Variants in LCMT1 observed in about 807,000 individuals in gnomAD.
LCMT1 encodes the protein leucine carboxyl methyltransferase 1, also known as [Phosphatase 2A protein]-leucine-carboxy methyltransferase 1.
LCMT1 carries 32 observed loss-of-function variants against 47.7 expected under a neutral mutation model. That is an observed-to-expected ratio of 0.67 (90% CI 0.51 to 0.90). The LOEUF is 0.90. LCMT1 is among the 40% of genes least tolerant of loss of function. The pLI is 0.00. For synonymous variants in LCMT1, 152 were observed against 149.7 expected, an observed-to-expected ratio of 1.02 and a Z score of -0.11; for missense variants, 375 against 415.2, an observed-to-expected ratio of 0.90 and a Z score of 0.84.
At chr16:25,131,315 C>A (rs964821139) in intron 2 of LCMT1, among the ~76,000 whole-genome samples, 32 of 152,272 alleles carry the variant, frequency 2.1e-4, no homozygotes, top group Non-Finnish European at 8.8e-5. Flanking sequence ...CCCCACCCCA[C>A]GCCCTGGCGG....
chr16:25,134,186 A>G (rs1053655426), intron 3 of LCMT1, among the ~76,000 whole-genome samples: 1 of 151,940 alleles, frequency 6.6e-6, no homozygotes, highest in Non-Finnish European at 1.5e-5. Flanking sequence ...AGACCCACTT[A>G]TCTGTTTTGT....
At chr16:25,135,841 A>G (rs1344740553) in intron 3 of LCMT1, among the ~76,000 whole-genome samples, 1 of 152,160 alleles carries the variant, frequency 6.6e-6, no homozygotes, top group East Asian at 1.9e-4. Context: ...CTGTAATCCC[A>G]GCACTTTGGG....
At position 25,161,200 on chromosome 16, in the gene LCMT1, A is replaced by T; in HGVS notation, c.565A>T (p.Thr189Ser). Residue 189 changes from threonine (T) to serine (S), a missense_variant, in exon 6 of 11, where the codon ACA becomes TCA. Coordinates refer to ENST00000399069, the MANE Select transcript of LCMT1 (RefSeq NM_016309.3). ...EEKLKKCNMN[T>S]QLPTLLIAEC... The stretch of plus-strand genomic sequence containing the variant: ...GAAGCTAAAGAAATGTAACATGAAT[A>T]CACAGTGAGATTTTTTTTTTTAAAC... 6.3e-7 allele frequency: 1 copy of T among 1,582,140 alleles called. No homozygotes were observed. Among genetic ancestry groups the T allele is most frequent in the Non-Finnish European group, 8.6e-7 (1 of 1,160,690 alleles).
At chr16:25,119,435 AT>A (rs2141626620) in intron 1 of LCMT1, among the ~76,000 whole-genome samples, 1 of 152,102 alleles carries the variant, frequency 6.6e-6, no homozygotes, top group Non-Finnish European at 1.5e-5. Context: ...CATGAGCTGT[AT>A]TTGTCAGCTT....
chr16:25,159,188 A>G (rs891046597), intron 5 of LCMT1, among the ~76,000 whole-genome samples: 3 of 152,248 alleles, frequency 2.0e-5, no homozygotes, highest in African/African-American at 7.2e-5. Flanking sequence ...AAATGTGCTT[A>G]TTATTAATAT....
At chr16:25,166,747 C>T (rs796987906) in intron 7 of LCMT1, among the ~76,000 whole-genome samples, 9 of 152,284 alleles carry the variant, frequency 5.9e-5, no homozygotes, top group African/African-American at 1.9e-4. Flanking sequence ...AGCCTCCTCC[C>T]CAGGTCCTTT....
Position 25,151,732 on chromosome 16 carries a change from C to T in LCMT1, c.466+117C>T, listed in dbSNP as rs934069335. On this transcript the variant is annotated intron_variant, in intron 5 of 10. Coordinates refer to ENST00000399069, the MANE Select transcript of LCMT1 (RefSeq NM_016309.3). ...GTGTGTGTGTGTGTGTGGTGTTATA[C>T]AATGTATTGTCAACTGAAGAATGAC... The T allele has an allele frequency of 3.9e-5, 9 of 228,014 alleles. No homozygotes were observed. In the South Asian group the frequency reaches 1.7e-3, roughly 43 times the overall value. 14.1% of individuals were successfully genotyped at this position (228,014 alleles called of 1,614,324 possible). A position where few individuals can be genotyped will look rare whatever the true frequency, so the allele number is the denominator to read the frequency against.
chr16:25,161,131 G>A lies in LCMT1; in HGVS notation c.496G>A (p.Ala166Thr). 1 of 1,610,136 alleles carries A rather than the reference G, an allele frequency of 6.2e-7. No individual in the cohort carries two copies. Residue 166 changes from alanine to threonine, a missense_variant, in exon 6 of 11, where the codon GCC becomes ACC. Coordinates refer to ENST00000399069, the MANE Select transcript of LCMT1 (RefSeq NM_016309.3). ...DGHILDSKRY[A>T]VIGADLRDLS... ...ACACATACTGGATTCAAAGAGATATGCCGTTATTGGAGCAGATCTCCGAGA... is the reference window on the plus strand; with the variant it reads ...ACACATACTGGATTCAAAGAGATATACCGTTATTGGAGCAGATCTCCGAGA...
intron 7 of LCMT1, among the ~76,000 whole-genome samples, chr16:25,164,985 A>G (rs1961543787): frequency 6.6e-6 from 1 of 152,240 alleles, no homozygotes; most frequent in Non-Finnish European, 1.5e-5. Flanking sequence ...ATGGAGTCAT[A>G]GAACATGAGG....
At chr16:25,170,935 CAAAT>C (rs775419584) in intron 9 of LCMT1, 130 bp downstream of exon 9, 20 of 672,034 alleles carry the variant, frequency 3.0e-5, no homozygotes, top group Non-Finnish European at 4.0e-5. Flanking sequence ...AACAAACAAA[CAAAT>C]AAAAAACAAG....
intron 8 of LCMT1, among the ~76,000 whole-genome samples, chr16:25,170,422 G>A (rs1183923199): frequency 4.6e-5 from 7 of 152,138 alleles, no homozygotes; most frequent in Non-Finnish European, 8.8e-5. Flanking sequence ...TAGGGTCTAG[G>A]ATGGGCTTTT....
intron 4 of LCMT1, among the ~76,000 whole-genome samples, chr16:25,151,284 T>C (rs570814939): frequency 2.6e-5 from 4 of 152,352 alleles, no homozygotes; most frequent in Admixed American, 6.5e-5. Flanking sequence ...AAATACTTCA[T>C]GATCAGTTTG....
At chr16:25,138,335 G>GTGCTGGGACAGTCC (rs1413481168) in intron 3 of LCMT1, among the ~76,000 whole-genome samples, 2 of 152,158 alleles carry the variant, frequency 1.3e-5, no homozygotes, top group African/African-American at 2.4e-5. Context: ...TGGGCTGGAG[G>GTGCTGGGACAGTCC]TGACAGAGCT....
At chr16:25,138,943 T>C (rs1049712329) in intron 3 of LCMT1, among the ~76,000 whole-genome samples, 16 of 152,170 alleles carry the variant, frequency 1.1e-4, no homozygotes, top group Non-Finnish European at 5.9e-5. Context: ...TTTCTTTTTT[T>C]TTTTATTTTA....
intron 9 of LCMT1, among the ~76,000 whole-genome samples, chr16:25,173,050 G>A (rs1023078904): frequency 2.6e-5 from 4 of 152,204 alleles, no homozygotes; most frequent in African/African-American, 7.2e-5. Context: ...ATGCCAGGTC[G>A]AACAGCCTTT....
At chr16:25,133,794 G>A (rs2141653492) in intron 3 of LCMT1, among the ~76,000 whole-genome samples, 1 of 151,420 alleles carries the variant, frequency 6.6e-6, no homozygotes, top group East Asian at 2.0e-4. Context: ...AGCACTTTGG[G>A]AGGCTGAGGT....
chr16:25,152,245 T>G (rs1218252067), intron 5 of LCMT1, among the ~76,000 whole-genome samples: 1 of 152,072 alleles, frequency 6.6e-6, no homozygotes, highest in Non-Finnish European at 1.5e-5. Flanking sequence ...ACAGCAGCAG[T>G]AGTCTTTTGA....
At chr16:25,176,818 C>T (rs1450882766) in intron 10 of LCMT1, among the ~76,000 whole-genome samples, 1 of 150,490 alleles carries the variant, frequency 6.6e-6, no homozygotes, top group African/African-American at 2.4e-5. Context: ...TGGCTCGGCC[C>T]CCCAAAGTGC....
chr16:25,166,226 CA>C (rs932590108), intron 7 of LCMT1, among the ~76,000 whole-genome samples: 12 of 148,498 alleles, frequency 8.1e-5, no homozygotes, highest in Non-Finnish European at 1.5e-5. Flanking sequence ...GCCGAGACTG[CA>C]CCACTACACT....
Sources: allele counts gnomAD v4.1 joint callset (sites outside exome capture counted in the v4.1 genomes callset), GRCh38; gene constraint gnomAD v4.1.1; transcripts MANE v1.5; gene names NCBI Gene and HGNC (gene_info 2026-07-23, HGNC 2026-07-21).